Variants in COL5A2 observed in about 807,000 individuals in gnomAD.
COL5A2 encodes the protein collagen type V alpha 2 chain, also known as collagen alpha-2(V) chain.
In COL5A2, 23 loss-of-function variants were observed where a neutral mutation model predicts 208.2. The observed-to-expected ratio is 0.11, with a 90% confidence interval of 0.08 to 0.16. COL5A2 has a LOEUF of 0.16. Among genes scored for constraint, COL5A2 ranks in the 10% least tolerant of loss-of-function variants. The probability of loss-of-function intolerance (pLI) is 1.00; values close to 1 mark genes in which losing one functional copy is unlikely to be tolerated. For missense variants in COL5A2, 1,590 were observed against 1,956.4 expected, an observed-to-expected ratio of 0.81 and a Z score of 3.53; for synonymous variants, 625 against 628.5, an observed-to-expected ratio of 0.99 and a Z score of 0.08.
chr2:189,176,742 A>AT (rs1274784875), intron 1 of COL5A2, among the ~76,000 whole-genome samples: 1 of 151,776 alleles, frequency 6.6e-6, no homozygotes, highest in Non-Finnish European at 1.5e-5. Context: ...TTAAAAGCTG[A>AT]TTTTGTCATT....
chr2:189,417,498 A>G, the COL5A2 span, among the ~76,000 whole-genome samples: 1 of 151,784 alleles, frequency 6.6e-6, no homozygotes, highest in South Asian at 2.1e-4. Context: ...ATAAATTTCC[A>G]GATTATTTTG....
At chr2:189,132,817 A>C (rs1208614778) in intron 1 of COL5A2, among the ~76,000 whole-genome samples, 3 of 151,940 alleles carry the variant, frequency 2.0e-5, no homozygotes, top group Admixed American at 1.3e-4. Flanking sequence ...GCTACTCGGG[A>C]GGCTGAGGCA....
chr2:189,374,448 C>T, the COL5A2 span, among the ~76,000 whole-genome samples: 1 of 151,758 alleles, frequency 6.6e-6, no homozygotes, highest in African/African-American at 2.4e-5. Context: ...ATTACTTTCA[C>T]TTATCATACT....
chr2:189,375,801 T>C, the COL5A2 span, among the ~76,000 whole-genome samples: 2 of 152,208 alleles, frequency 1.3e-5, no homozygotes, highest in African/African-American at 2.4e-5. Flanking sequence ...AAGGAAAAAA[T>C]TAGTTTTATT....
chr2:189,355,204 G>A, the COL5A2 span, among the ~76,000 whole-genome samples: 3 of 152,162 alleles, frequency 2.0e-5, no homozygotes, highest in East Asian at 5.8e-4. Context: ...TTCCAATCAC[G>A]TGGTCAATTT....
chr2:189,231,119 A>G, the COL5A2 span, among the ~76,000 whole-genome samples: 4 of 151,932 alleles, frequency 2.6e-5, no homozygotes, highest in Admixed American at 2.6e-4. Context: ...GGCATCTGAA[A>G]TAGTCAAACT....
At chr2:189,388,949 C>G in the COL5A2 span, among the ~76,000 whole-genome samples, 1 of 152,134 alleles carries the variant, frequency 6.6e-6, no homozygotes, top group Non-Finnish European at 1.5e-5. Context: ...AATGGAAGAG[C>G]CACTGAAAGG....
chr2:189,408,395 A>G, the COL5A2 span, among the ~76,000 whole-genome samples: 4 of 152,274 alleles, frequency 2.6e-5, no homozygotes, highest in East Asian at 7.7e-4. Context: ...GCGGGAAGAA[A>G]GTACATACAT....
At chr2:189,382,080 C>G in the COL5A2 span, among the ~76,000 whole-genome samples, 2 of 152,140 alleles carry the variant, frequency 1.3e-5, no homozygotes, top group East Asian at 3.8e-4. Context: ...AAACTTACAA[C>G]TTGAATAAAT....
the COL5A2 span, among the ~76,000 whole-genome samples, chr2:189,436,372 T>C: frequency 2.0e-5 from 3 of 152,016 alleles, no homozygotes; most frequent in African/African-American, 7.2e-5. Context: ...GAGGTGCCTG[T>C]TGTGGGGTGG....
chr2:189,245,138 G>A, the COL5A2 span, among the ~76,000 whole-genome samples: 10 of 152,044 alleles, frequency 6.6e-5, no homozygotes, highest in Admixed American at 5.2e-4. Context: ...ATCTGGATGG[G>A]GACACAGCCA....
the COL5A2 span, among the ~76,000 whole-genome samples, chr2:189,430,391 T>A: frequency 6.6e-6 from 1 of 152,072 alleles, no homozygotes; most frequent in Non-Finnish European, 1.5e-5. Context: ...GGGCCTGAGG[T>A]CACCTCACCC....
the COL5A2 span, among the ~76,000 whole-genome samples, chr2:189,313,467 A>C: frequency 6.6e-6 from 1 of 152,208 alleles, no homozygotes; most frequent in Non-Finnish European, 1.5e-5. Context: ...AGTAAAGACC[A>C]TTACCAGTCA....
At chr2:189,311,192 A>AT in the COL5A2 span, 1,106 of 922,888 alleles carry the variant, frequency 1.2e-3, 1 homozygote, top group Non-Finnish European at 1.5e-3. Context: ...TGGCCAGACT[A>AT]TTTTTTTTTC....
At chr2:189,165,984 A>T (rs960267691) in intron 1 of COL5A2, among the ~76,000 whole-genome samples, 8 of 152,222 alleles carry the variant, frequency 5.3e-5, no homozygotes, top group Non-Finnish European at 1.2e-4. Flanking sequence ...GACTATGTTT[A>T]AAAAATAGGG....
At chr2:189,391,178 A>G in the COL5A2 span, among the ~76,000 whole-genome samples, 2 of 152,260 alleles carry the variant, frequency 1.3e-5, no homozygotes, top group South Asian at 2.1e-4. Context: ...TGAGACCCCA[A>G]ATTTGGCTGG....
the COL5A2 span, among the ~76,000 whole-genome samples, chr2:189,323,039 A>T: frequency 1.3e-5 from 2 of 152,162 alleles, no homozygotes; most frequent in Non-Finnish European, 2.9e-5. Flanking sequence ...TAAACGTAAT[A>T]CAGCATATAA....
chr2:189,094,295 C>T (rs1686853153), intron 6 of COL5A2, among the ~76,000 whole-genome samples: 1 of 151,828 alleles, frequency 6.6e-6, no homozygotes, highest in South Asian at 2.1e-4. Context: ...GAATGTTTAC[C>T]GGTAAATATC....
chr2:189,035,629 G>A (rs1685429765), intron 52 of COL5A2, among the ~76,000 whole-genome samples: 1 of 151,890 alleles, frequency 6.6e-6, no homozygotes, highest in Non-Finnish European at 1.5e-5. Context: ...TTCTACTTTA[G>A]CTTTGGTTTC....
Sources: allele counts gnomAD v4.1 joint callset (sites outside exome capture counted in the v4.1 genomes callset), GRCh38; gene constraint gnomAD v4.1.1; transcripts MANE v1.5; gene names NCBI Gene and HGNC (gene_info 2026-07-23, HGNC 2026-07-21).